The following COG4 variants were observed in gnomAD, a reference collection of about 807,000 sequenced individuals.
COG4 encodes component of oligomeric golgi complex 4.
COG4 carries 65 observed loss-of-function variants against 95.1 expected under a neutral mutation model. That is an observed-to-expected ratio of 0.68 (90% CI 0.56 to 0.84). The LOEUF is 0.84. Among genes scored for constraint, COG4 ranks in the 40% least tolerant of loss-of-function variants. The probability of loss-of-function intolerance (pLI) is 0.00; values close to 1 mark genes in which losing one functional copy is unlikely to be tolerated. For missense variants in COG4, 1,045 were observed against 989.1 expected, an observed-to-expected ratio of 1.06 and a Z score of -0.76; for synonymous variants, 421 against 374.8, an observed-to-expected ratio of 1.12 and a Z score of -1.42.
intron 14 of COG4, 65 bp downstream of exon 14, chr16:70,483,788 C>T: frequency 7.9e-7 from 1 of 1,271,322 alleles, no homozygotes; most frequent in Admixed American, 1.7e-5. Flanking sequence ...GATGAGCCAG[C>T]TAACAATCTT....
intron 4 of COG4, among the ~76,000 whole-genome samples, chr16:70,512,951 C>A (rs557737875): frequency 6.6e-6 from 1 of 152,088 alleles, no homozygotes; most frequent in African/African-American, 2.4e-5. Context: ...GCACTCCAGC[C>A]GGCAAAAGAG....
Position 70,497,981 on chromosome 16 carries a change from A to T in COG4, c.1270T>A (p.Tyr424Asn), listed in dbSNP as rs780694418. The T allele has an allele frequency of 6.2e-7, 1 of 1,613,248 alleles. No homozygotes were observed. Among genetic ancestry groups the T allele is most frequent in the Non-Finnish European group, 8.5e-7 (1 of 1,179,170 alleles). The change falls in exon 10 of 19, where the codon TAT becomes AAT. Residue 424 changes from tyrosine (Y) to asparagine (N), a missense_variant. Physicochemically the swap from Tyr to Asn is moderately radical, Grantham distance 143. Coordinates refer to ENST00000323786, the MANE Select transcript of COG4 (RefSeq NM_015386.3). ...SCTMQELIGL[Y>N]VTMEEYFMRE... ...ATGAAGTACTCCTCCATGGTAACAT[A>T]TAAGCCAATTAGCTCCTGCATGGTA...
At chr16:70,518,087 A>C (rs568280562) in intron 2 of COG4, among the ~76,000 whole-genome samples, 153 of 149,314 alleles carry the variant, frequency 1.0e-3, no homozygotes, top group Non-Finnish European at 1.9e-3. Flanking sequence ...CGTGCCACCA[A>C]GCCCAGATAA....
intron 13 of COG4, among the ~76,000 whole-genome samples, chr16:70,486,463 G>A (rs756871446): frequency 1.6e-4 from 25 of 152,168 alleles, no homozygotes; most frequent in Non-Finnish European, 2.1e-4. Flanking sequence ...TAAGCTGAAC[G>A]TCATGCCACC....
In COG4 at chr16:70,495,620, C is replaced by T. The variant is rs180685799; in HGVS notation, c.1647+646G>A. Among the ~76,000 whole-genome samples the T allele has an allele frequency of 1.6e-4, 25 of 152,234 alleles. 1 individual carries two copies. The East Asian group carries it at 3.7e-3, about 22-fold the overall frequency. On this transcript the variant is annotated intron_variant, in intron 12 of 18. Coordinates refer to ENST00000323786, the MANE Select transcript of COG4 (RefSeq NM_015386.3). The stretch of plus-strand genomic sequence containing the variant: ...GCTACTCCCATGCGTGCTAAGACAG[C>T]GTGTGCCAGAGAGGCCTGATCTTGA...
chr16:70,501,225 AGCTCTGCTG>A, intron 8 of COG4, 134 bp from the exon 9 acceptor site: 7 of 908,708 alleles, frequency 7.7e-6, no homozygotes, highest in Non-Finnish European at 1.0e-5. Context: ...TGGCCCTCCT[AGCTCTGCTG>A]GCCCAATTAG....
chr16:70,480,955 C>T lies in COG4; in HGVS notation c.*55G>A, dbSNP rs887314289. 1.2e-6 allele frequency: 2 copies of T among 1,605,632 alleles called. No homozygotes were observed. Among genetic ancestry groups the T allele is most frequent in the African/African-American group, 1.3e-5 (1 of 74,916 alleles). Reference sequence around the variant, plus strand: ...GCCTCGCTCAGCTCCTTGGCTGGGGCCCCTTAGGGAACAGGCCTGCAAGTG... The same window carrying T: ...GCCTCGCTCAGCTCCTTGGCTGGGGTCCCTTAGGGAACAGGCCTGCAAGTG... On this transcript the variant is annotated 3_prime_UTR_variant, in exon 19 of 19. Coordinates refer to ENST00000323786, the MANE Select transcript of COG4 (RefSeq NM_015386.3).
Position 70,496,456 on chromosome 16 carries a change from A to G in COG4, c.1482-25T>C, listed in dbSNP as rs2303793. 722,675 of 1,612,028 alleles carry G rather than the reference A, an allele frequency of 0.45. 166,446 individuals carry two copies. Among genetic ancestry groups the G allele is most frequent in the South Asian group, 0.65 (59,603 of 91,020 alleles). ...CCTGGGGGGCAGGATTGCATAGAGG[A>G]ATTGACAGTGCTCAACTTGGCCACC... On this transcript the variant is annotated intron_variant, in intron 11 of 18. Transcript: ENST00000323786.
At chr16:70,516,858 G>C (rs1329421701) in intron 3 of COG4, among the ~76,000 whole-genome samples, 1 of 151,996 alleles carries the variant, frequency 6.6e-6, no homozygotes, top group Non-Finnish European at 1.5e-5. Flanking sequence ...CTGCCTCTTG[G>C]GGTTAAGCGA....
chr16:70,495,751 G>A (rs1483244141), intron 12 of COG4, among the ~76,000 whole-genome samples: 1 of 152,218 alleles, frequency 6.6e-6, no homozygotes, highest in African/African-American at 2.4e-5. Context: ...GTCACACAAT[G>A]GAAGGCTTGC....
intron 8 of COG4, among the ~76,000 whole-genome samples, chr16:70,507,755 G>GAGGGA (rs2049608651): frequency 6.6e-6 from 1 of 151,440 alleles, no homozygotes; most frequent in Non-Finnish European, 1.5e-5. Flanking sequence ...CCAGCTACTT[G>GAGGGA]GGAGGCTGAG....
At chr16:70,498,492 CA>C (rs2049385793) in intron 9 of COG4, among the ~76,000 whole-genome samples, 1 of 152,026 alleles carries the variant, frequency 6.6e-6, no homozygotes. Context: ...CCACGCCCGG[CA>C]AATTTTGTAT....
At chr16:70,514,716 ATT>A (rs1042602915) in intron 3 of COG4, among the ~76,000 whole-genome samples, 1 of 151,968 alleles carries the variant, frequency 6.6e-6, no homozygotes, top group African/African-American at 2.4e-5. Context: ...TGATCAAATC[ATT>A]CTCTCTTTTT....
chr16:70,508,901 G>C (rs1349405759), intron 7 of COG4: 2 of 531,210 alleles, frequency 3.8e-6, no homozygotes, highest in Non-Finnish European at 7.1e-6. Flanking sequence ...CACTTAATAG[G>C]ACCTCAAGAA....
At position 70,509,105 on chromosome 16, in the gene COG4, C is replaced by T. The variant is rs895968207; in HGVS notation, c.1002+126G>A. ...AATGGGCAAGATGCAGGCCAGTGTG[C>T]GCTTAGCATTTATTTTTCTCCTGTC... On this transcript the variant is annotated intron_variant, in intron 7 of 18. Coordinates refer to ENST00000323786, the MANE Select transcript of COG4 (RefSeq NM_015386.3). 10 of 1,191,598 alleles carry T rather than the reference C, an allele frequency of 8.4e-6. No individual in the cohort carries two copies. The East Asian group carries it at 9.4e-5, about 11-fold the overall frequency. The allele number at this position is 1,191,598 out of a possible 1,614,324, so 73.8% of individuals were successfully genotyped here. A position where few individuals can be genotyped will look rare whatever the true frequency, so the allele number is the denominator to read the frequency against.
chr16:70,490,445 C>T (rs2049221644), intron 12 of COG4, 53 bp from the exon 13 acceptor site: 1 of 1,430,956 alleles, frequency 7.0e-7, no homozygotes. Context: ...GCCTGCCACC[C>T]ACTCCAATGC....
In COG4 at chr16:70,500,394, A is replaced by G. The variant is rs1340617702; in HGVS notation, c.1195+564T>C. Among the ~76,000 whole-genome samples, 4 of 107,134 alleles carry G rather than the reference A, an allele frequency of 3.7e-5. No homozygotes were observed. In the Admixed American group the frequency reaches 3.8e-4, roughly 10 times the overall value. 70.3% of individuals were successfully genotyped at this position (107,134 alleles called of 152,430 possible). On this transcript the variant is annotated intron_variant, in intron 9 of 18. Coordinates refer to ENST00000323786, the MANE Select transcript of COG4 (RefSeq NM_015386.3). Reference sequence around the variant, plus strand: ...TTTTTTTTTTTTTTTTTTGAGACAGAGTCTGGCTCTGTCACCCAGGCTGGA... The same window carrying G: ...TTTTTTTTTTTTTTTTTTGAGACAGGGTCTGGCTCTGTCACCCAGGCTGGA...
At chr16:70,517,485 G>C (rs2049845683) in intron 3 of COG4, 141 bp downstream of exon 3, 1 of 641,248 alleles carries the variant, frequency 1.6e-6, no homozygotes, top group East Asian at 2.7e-5. Context: ...CTCCTCAGGA[G>C]GCTGAGGTGG....
At position 70,509,318 on chromosome 16, in the gene COG4, G is replaced by C. The variant is rs2049648807; in HGVS notation, c.915C>G (p.Thr305=). 6.2e-7 allele frequency: 1 copy of C among 1,614,122 alleles called. No individual in the cohort carries two copies. The highest frequency in any genetic ancestry group is 2.2e-5 in the East Asian group (1 of 44,892). The part of the protein sequence containing the change: ...ETYYGPGRLY[T]LIKYLQVECD... ...ATTCCACCTGCAGATATTTGATCAG[G>C]GTATAGAGTCTCCCTGGCCCATAAT... Residue 305 remains threonine (T), a synonymous_variant, in exon 7 of 19, where the codon ACC becomes ACG. Transcript: ENST00000323786.
Sources: gnomAD v4.1 joint callset for allele counts (sites outside exome capture counted in the v4.1 genomes callset) on GRCh38, gnomAD v4.1.1 for gene constraint, MANE v1.5 for transcripts, NCBI Gene and HGNC (gene_info 2026-07-23, HGNC 2026-07-21) for gene names.